ZC3H12B: variants seen among roughly 807,000 people sequenced by gnomAD.
ZC3H12B encodes the protein probable ribonuclease ZC3H12B.
Under a neutral mutation model 43.9 loss-of-function variants are expected in ZC3H12B, and 7 were observed. That is an observed-to-expected ratio of 0.16 (90% confidence interval 0.09 to 0.30). The LOEUF (loss-of-function observed/expected upper bound fraction) is 0.30, where lower values mean the gene tolerates loss of function less well. ZC3H12B is among the 10% of genes least tolerant of loss of function. The pLI, the probability that ZC3H12B is intolerant of heterozygous loss-of-function variation, is 1.00. For missense variants in ZC3H12B, 475 were observed against 670.2 expected (o/e 0.71, Z 3.22); for synonymous variants, 222 against 241.7 (o/e 0.92, Z 0.76).
the ZC3H12B span, among the ~76,000 whole-genome samples, chrX:65,120,982 T>G: frequency 1.3e-3 from 142 of 111,454 alleles, 1 homozygote; most frequent in Non-Finnish European, 2.2e-3. Context: ...AACCAGTCTT[T>G]CATCCCAGGG....
chrX:65,375,748 C>T (rs1378301528), intron 2 of ZC3H12B, among the ~76,000 whole-genome samples: 3 of 111,421 alleles, frequency 2.7e-5, no homozygotes, highest in African/African-American at 9.8e-5. Flanking sequence ...GGACCCATCA[C>T]CTGCTGCCTA....
At chrX:65,350,055 A>G in the ZC3H12B span, among the ~76,000 whole-genome samples, 5 of 111,890 alleles carry the variant, frequency 4.5e-5, no homozygotes, top group East Asian at 1.4e-3. Context: ...ACACAACAAA[A>G]AAAGAAAATT....
At chrX:65,169,966 A>G in the ZC3H12B span, among the ~76,000 whole-genome samples, 1 of 111,600 alleles carries the variant, frequency 9.0e-6, no homozygotes, top group Non-Finnish European at 1.9e-5. Context: ...CAGCATACTG[A>G]TGGGTCTTGA....
At chrX:65,195,909 A>G in the ZC3H12B span, among the ~76,000 whole-genome samples, 49 of 111,960 alleles carry the variant, frequency 4.4e-4, no homozygotes, top group African/African-American at 1.5e-3. Flanking sequence ...TTTACTCTCT[A>G]GTGGTGTTTA....
chrX:65,364,201 T>A (rs970405823), upstream of ZC3H12B, among the ~76,000 whole-genome samples: 1 of 110,571 alleles, frequency 9.0e-6, no homozygotes, highest in Non-Finnish European at 1.9e-5. Flanking sequence ...CTCCACTACC[T>A]CTCAGCAAAC....
At chrX:65,095,965 T>C in the ZC3H12B span, among the ~76,000 whole-genome samples, 51 of 110,920 alleles carry the variant, frequency 4.6e-4, no homozygotes, top group African/African-American at 1.5e-3. Flanking sequence ...AACTGTGCAT[T>C]ATGTCCACCT....
chrX:65,467,949 C>T (rs1176364995), intron 3 of ZC3H12B, among the ~76,000 whole-genome samples: 1 of 112,196 alleles, frequency 8.9e-6, no homozygotes, highest in Non-Finnish European at 1.9e-5. Flanking sequence ...TGTGCAGAAG[C>T]TTTTTAGTTT....
At chrX:65,148,291 G>A in the ZC3H12B span, among the ~76,000 whole-genome samples, 6 of 111,473 alleles carry the variant, frequency 5.4e-5, 1 homozygote, top group African/African-American at 2.0e-4. Context: ...TGTGAGGGAT[G>A]GCATAATGCT....
chrX:65,372,776 AT>A (rs2066265802), intron 2 of ZC3H12B, among the ~76,000 whole-genome samples: 1 of 112,603 alleles, frequency 8.9e-6, no homozygotes, highest in Non-Finnish European at 1.9e-5. Flanking sequence ...GATAACCTGT[AT>A]AAAATCACAC....
In ZC3H12B at chrX:65,448,102, G is replaced by A. The variant is rs1045515554; in HGVS notation, n.408-40544G>A. ...AAAAAAAAATTAGCCGGGTGTGGTG[G>A]TGGGCACCTGTAGTCCCAGCTACTC... On this transcript the variant is annotated intron_variant and non_coding_transcript_variant, in intron 3 of 5. Coordinates refer to the ZC3H12B transcript ENST00000617377. Among the ~76,000 whole-genome samples the A allele has an allele frequency of 7.2e-5, 8 of 110,861 alleles. No homozygotes were observed. In the East Asian group the frequency reaches 1.7e-3, roughly 24 times the overall value.
At chrX:65,042,276 A>G in the ZC3H12B span, among the ~76,000 whole-genome samples, 2 of 112,235 alleles carry the variant, frequency 1.8e-5, no homozygotes, top group Non-Finnish European at 3.8e-5. Context: ...CATGTGTGAA[A>G]AAACTTGGCA....
the ZC3H12B span, among the ~76,000 whole-genome samples, chrX:65,192,638 A>G: frequency 9.0e-6 from 1 of 111,493 alleles, no homozygotes; most frequent in African/African-American, 3.3e-5. Context: ...TTTTGATACG[A>G]TGGATTACAT....
chrX:65,390,364 C>G (rs958729451), intron 2 of ZC3H12B, among the ~76,000 whole-genome samples: 2 of 110,418 alleles, frequency 1.8e-5, no homozygotes, highest in Non-Finnish European at 3.8e-5. Flanking sequence ...TGTAACAAAC[C>G]TGCATGTTGT....
chrX:65,134,927 G>A, the ZC3H12B span, among the ~76,000 whole-genome samples: 12 of 111,065 alleles, frequency 1.1e-4, no homozygotes, highest in Non-Finnish European at 1.7e-4. Flanking sequence ...AAGGTGCTCA[G>A]TGGGGGAGCT....
chrX:65,483,172 G>C (rs1365247015), intron 3 of ZC3H12B, among the ~76,000 whole-genome samples: 2 of 111,789 alleles, frequency 1.8e-5, no homozygotes, highest in Admixed American at 1.9e-4. Flanking sequence ...CAGATAGGCT[G>C]ACAAGAGTGC....
intron 3 of ZC3H12B, among the ~76,000 whole-genome samples, chrX:65,426,392 C>CAA (rs58910748): frequency 2.7e-3 from 112 of 41,963 alleles, no homozygotes; most frequent in East Asian, 0.015. Context: ...TAATTATTTC[C>CAA]AAAAAAAAAA....
At chrX:65,389,642 G>T (rs1272710036) in intron 2 of ZC3H12B, among the ~76,000 whole-genome samples, 2 of 112,514 alleles carry the variant, frequency 1.8e-5, no homozygotes, top group Non-Finnish European at 3.8e-5. Context: ...CCACAGTCCT[G>T]CACCCACTTT....
At chrX:65,162,126 C>T in the ZC3H12B span, among the ~76,000 whole-genome samples, 1 of 111,619 alleles carries the variant, frequency 9.0e-6, no homozygotes, top group Non-Finnish European at 1.9e-5. Flanking sequence ...GAGTTTCTGC[C>T]ACGAGATCAG....
At chrX:65,056,039 C>G in the ZC3H12B span, among the ~76,000 whole-genome samples, 1 of 111,726 alleles carries the variant, frequency 9.0e-6, no homozygotes, top group Non-Finnish European at 1.9e-5. Context: ...AAAAAACCAG[C>G]TCCTGGATTC....
Sources: allele counts gnomAD v4.1 joint callset (sites outside exome capture counted in the v4.1 genomes callset), GRCh38; gene constraint gnomAD v4.1.1; transcripts MANE v1.5; gene names NCBI Gene and HGNC (gene_info 2026-07-23, HGNC 2026-07-21).